The following KHDRBS1 variants were observed in gnomAD, a reference collection of about 807,000 sequenced individuals.
KHDRBS1 encodes KH RNA binding domain containing, signal transduction associated 1, also known as KH domain-containing, RNA-binding, signal transduction-associated protein 1.
KHDRBS1 carries 7 observed loss-of-function variants against 48.4 expected under a neutral mutation model. That is an observed-to-expected ratio of 0.14 (90% CI 0.08 to 0.27). The LOEUF is 0.27. Among genes scored for constraint, KHDRBS1 ranks in the 10% least tolerant of loss-of-function variants. The pLI, the probability that KHDRBS1 is intolerant of heterozygous loss-of-function variation, is 1.00. For missense variants in KHDRBS1, 458 were observed against 601.2 expected (o/e 0.76, Z 2.49); for synonymous variants, 241 against 235.8 (o/e 1.02, Z -0.20).
chr1:32,050,310 G>C (rs1367887188), intron 10 of KHDRBS1, among the ~76,000 whole-genome samples: 1 of 152,124 alleles, frequency 6.6e-6, no homozygotes, highest in Non-Finnish European at 1.5e-5. Flanking sequence ...TCAGATGTAT[G>C]ATTTGCAAAT....
chr1:32,038,266 G>C (rs1171996057), intron 6 of KHDRBS1: 10 of 717,752 alleles, frequency 1.4e-5, no homozygotes, highest in Admixed American at 8.9e-5. Context: ...CTTTAATGTA[G>C]TATTTTATAA....
At chr1:32,041,204 A>C (rs1361121479) in intron 8 of KHDRBS1, among the ~76,000 whole-genome samples, 1 of 152,174 alleles carries the variant, frequency 6.6e-6, no homozygotes, top group African/African-American at 2.4e-5. Flanking sequence ...CGTCAGGAAA[A>C]AAAGAAAAAG....
chr1:32,055,286 A>G (rs1480810378), intron 10 of KHDRBS1, among the ~76,000 whole-genome samples: 2 of 152,248 alleles, frequency 1.3e-5, no homozygotes, highest in South Asian at 4.1e-4. Context: ...CACCTCTACT[A>G]AAAATACAAA....
At chr1:32,054,609 C>G (rs1301944478) in intron 10 of KHDRBS1, 1 of 152,196 alleles carries the variant, frequency 6.6e-6, no homozygotes, top group Non-Finnish European at 1.5e-5. Context: ...ACTAGAAGTC[C>G]TCAATGGATG....
At chr1:32,044,601 AT>A (rs1016239545), downstream of KHDRBS1, among the ~76,000 whole-genome samples, 19 of 150,320 alleles carry the variant, frequency 1.3e-4, no homozygotes, top group South Asian at 4.2e-4. Flanking sequence ...CATGATGGAC[AT>A]TTTTTTTTTC....
At chr1:32,057,138 G>GCT (rs1469088682) in intron 10 of KHDRBS1, among the ~76,000 whole-genome samples, 2 of 152,254 alleles carry the variant, frequency 1.3e-5, no homozygotes, top group African/African-American at 4.8e-5. Flanking sequence ...ATAGGCAGAG[G>GCT]ATAGGACTGA....
exon 11 of KHDRBS1, chr1:32,060,739 C>T (rs556416980): frequency 1.3e-5 from 2 of 152,230 alleles, no homozygotes; most frequent in East Asian, 3.9e-4. Context: ...TATTACTTAC[C>T]TTGTCCAAAA....
intron 1 of KHDRBS1, among the ~76,000 whole-genome samples, chr1:32,028,007 C>T (rs1227289119): frequency 2.6e-5 from 4 of 152,158 alleles, no homozygotes; most frequent in Non-Finnish European, 5.9e-5. Context: ...GTTCCAGCTA[C>T]TCGGAAGGCT....
chr1:32,058,425 T>TA (rs1639506427), intron 10 of KHDRBS1, among the ~76,000 whole-genome samples: 1 of 152,060 alleles, frequency 6.6e-6, no homozygotes, highest in Admixed American at 6.5e-5. Context: ...AAGTTTATCA[T>TA]AGAGTTTTGG....
At chr1:32,023,043 T>TC (rs1638893109) in intron 1 of KHDRBS1, among the ~76,000 whole-genome samples, 1 of 152,320 alleles carries the variant, frequency 6.6e-6, no homozygotes, top group African/African-American at 2.4e-5. Context: ...TCTCTTTTTT[T>TC]CTTACTATTT....
At chr1:32,032,122 A>G (rs1269433728) in intron 3 of KHDRBS1, among the ~76,000 whole-genome samples, 3 of 152,216 alleles carry the variant, frequency 2.0e-5, no homozygotes, top group Non-Finnish European at 4.4e-5. Context: ...TGTATTCCAA[A>G]AGGAACCATG....
rs531931582 is a variant in KHDRBS1, at chr1:32,053,023, C to G, written n.1302-7140C>G. 1.4e-4 allele frequency among the ~76,000 whole-genome samples: 21 copies of G among 151,852 alleles called. No individual in the cohort carries two copies. The South Asian group carries it at 4.2e-3, about 30-fold the overall frequency. On this transcript the variant is annotated intron_variant and non_coding_transcript_variant, in intron 10 of 10. Transcript: ENST00000484270. ...AAATAAAAAGCTAGATGTGGTGGTG[C>G]ACGCCTGTAGTCCCAGCTACTTGAA...
At chr1:32,015,121 C>T (rs1638711790) in intron 1 of KHDRBS1, among the ~76,000 whole-genome samples, 1 of 152,148 alleles carries the variant, frequency 6.6e-6, no homozygotes, top group East Asian at 1.9e-4. Flanking sequence ...CGTTTCCCAA[C>T]GAGATGGACA....
chr1:32,029,322 CTT>C (rs956092139), intron 1 of KHDRBS1, among the ~76,000 whole-genome samples: 1 of 152,146 alleles, frequency 6.6e-6, no homozygotes, highest in Non-Finnish European at 1.5e-5. Context: ...TTATGTATAA[CTT>C]TTTACATATC....
chr1:32,032,795 T>C (rs1557894531), intron 3 of KHDRBS1, among the ~76,000 whole-genome samples: 1 of 152,076 alleles, frequency 6.6e-6, no homozygotes, highest in African/African-American at 2.4e-5. Context: ...GTTCAAGCAA[T>C]TCTCCTGCCT....
intron 5 of KHDRBS1, 147 bp downstream of exon 5, chr1:32,037,190 A>G: frequency 1.1e-6 from 1 of 891,484 alleles, no homozygotes; most frequent in Non-Finnish European, 1.7e-6. Context: ...ATACTCTCAC[A>G]CCTGTAATCC....
In KHDRBS1 at chr1:32,037,034, C is replaced by G. The variant is rs775366934; in HGVS notation, c.896C>G (p.Pro299Arg). The G allele has an allele frequency of 6.2e-7, 1 of 1,613,456 alleles. No homozygotes were observed. The highest frequency in any genetic ancestry group is 8.5e-7 in the Non-Finnish European group (1 of 1,179,726). Residue 299 changes from proline (P) to arginine (R), a missense_variant, in exon 5 of 9, where the codon CCT becomes CGT. This residue lies in a region of KHDRBS1 where 171 missense variants were observed against 228.7 expected (regional missense o/e 0.75). Transcript: ENST00000327300. Reference protein sequence around the residue: ...RGRGAAPPPPPVPRGRGVGPP... With the variant: ...RGRGAAPPPPRVPRGRGVGPP... ...CGGGGAGCTGCACCTCCTCCACCAC[C>G]TGTTCCCAGGTAAAAATAATGGAGA...
At chr1:32,039,985 A>G (rs929982352) in intron 8 of KHDRBS1, among the ~76,000 whole-genome samples, 9 of 152,038 alleles carry the variant, frequency 5.9e-5, no homozygotes, top group African/African-American at 1.9e-4. Flanking sequence ...ATCGTACACA[A>G]CTGTACTCAT....
At chr1:32,037,170 T>C in intron 5 of KHDRBS1, 127 bp downstream of exon 5, 1 of 1,038,756 alleles carries the variant, frequency 9.6e-7, no homozygotes, top group South Asian at 1.6e-5. Flanking sequence ...AAGAACAGAA[T>C]TCTACAACCA....
Sources: allele counts gnomAD v4.1 joint callset (sites outside exome capture counted in the v4.1 genomes callset), GRCh38; gene constraint gnomAD v4.1.1; regional missense constraint gnomAD v4.1.1; transcripts MANE v1.5; gene names NCBI Gene and HGNC (gene_info 2026-07-23, HGNC 2026-07-21).